Variants in DCTN2 observed in about 807,000 individuals in gnomAD.
The protein encoded by DCTN2 is dynactin subunit 2, also known as 50 kDa dynein-associated polypeptide.
DCTN2 carries 18 observed loss-of-function variants against 55.4 expected under a neutral mutation model. The observed-to-expected ratio is 0.32, with a 90% CI of 0.22 to 0.48. DCTN2 has a LOEUF of 0.48. Among genes scored for constraint, DCTN2 ranks in the 20% least tolerant of loss-of-function variants. DCTN2 has a pLI of 0.99. For synonymous variants in DCTN2, 168 were observed against 185.2 expected, an observed-to-expected ratio of 0.91 and a Z score of 0.76; for missense variants, 390 against 491.0, an observed-to-expected ratio of 0.79 and a Z score of 1.94.
At chr12:57,540,772 G>A (rs1880629883) in intron 2 of DCTN2, among the ~76,000 whole-genome samples, 1 of 152,218 alleles carries the variant, frequency 6.6e-6, no homozygotes, top group South Asian at 2.1e-4. Context: ...ATTTCAAAAG[G>A]AGGGGTGCAG....
intron 2 of DCTN2, among the ~76,000 whole-genome samples, chr12:57,542,526 T>G (rs1880778302): frequency 6.6e-6 from 1 of 151,942 alleles, no homozygotes; most frequent in Non-Finnish European, 1.5e-5. Context: ...TAGACAGAAA[T>G]CTGGAGACCC....
chr12:57,535,978 C>A, intron 2 of DCTN2, 133 bp from the exon 3 acceptor site: 1 of 693,508 alleles, frequency 1.4e-6, no homozygotes, highest in Non-Finnish European at 2.5e-6. Flanking sequence ...GGCTCTATTC[C>A]AAGGCGCCTA....
chr12:57,546,166 T>C, intron 1 of DCTN2, 70 bp from the exon 2 acceptor site: 1 of 1,435,994 alleles, frequency 7.0e-7, no homozygotes. Context: ...CCCCACTCCA[T>C]TTGAATAAGC....
intron 2 of DCTN2, among the ~76,000 whole-genome samples, chr12:57,540,589 T>C (rs752036722): frequency 1.3e-4 from 20 of 152,162 alleles, no homozygotes; most frequent in Admixed American, 2.0e-4. Flanking sequence ...GAGGGCAAGA[T>C]CTGAGGTTCT....
At chr12:57,546,998 C>G (rs1266676165) in intron 1 of DCTN2, 30 bp downstream of exon 1, 3 of 1,287,640 alleles carry the variant, frequency 2.3e-6, no homozygotes, top group Non-Finnish European at 3.0e-6. Flanking sequence ...GGGCGCGGTC[C>G]TGGGGAGCCG....
At chr12:57,546,813 C>T (rs1881204855) in intron 1 of DCTN2, among the ~76,000 whole-genome samples, 1 of 152,218 alleles carries the variant, frequency 6.6e-6, no homozygotes, top group African/African-American at 2.4e-5. Flanking sequence ...CTACCGGCGA[C>T]TGCCGGAAAG....
chr12:57,540,610 G>C (rs1245180571), intron 2 of DCTN2, among the ~76,000 whole-genome samples: 1 of 152,228 alleles, frequency 6.6e-6, no homozygotes, highest in Non-Finnish European at 1.5e-5. Context: ...AAATCAGACA[G>C]GGAAAGTGGC....
At position 57,546,077 on chromosome 12, in the gene DCTN2, A is replaced by G; in HGVS notation, c.56T>C (p.Val19Ala). The G allele has an allele frequency of 6.2e-7, 1 of 1,613,930 alleles. No homozygotes were observed. Among genetic ancestry groups the G allele is most frequent in the Non-Finnish European group, 8.5e-7 (1 of 1,179,870 alleles). ...LPGIARNEPDVYETSDLPEDD... is the reference protein window; with the variant it reads ...LPGIARNEPDAYETSDLPEDD... ...CTCAGGTAGGTCGCTAGTTTCATAA[A>G]CATCTGGCTCATTCCTGGCCTGCAG... is the stretch of plus-strand genomic sequence containing the variant. Residue 19 changes from valine to alanine, a missense_variant, in exon 2 of 14, where the codon GTT becomes GCT. Physicochemically the swap from Val to Ala is moderately conservative, Grantham distance 64 (BLOSUM62 0). Around this residue, in one of 2 missense-constraint regions of DCTN2, gnomAD observed 117 missense variants for 187.8 expected, o/e 0.62. Transcript: ENST00000548249.
At chr12:57,533,791 G>C (rs533009963) in intron 7 of DCTN2, among the ~76,000 whole-genome samples, 162 bp downstream of exon 7, 129 of 149,314 alleles carry the variant, frequency 8.6e-4, no homozygotes, top group Non-Finnish European at 1.5e-3. Context: ...AAAAAAGAAA[G>C]AAACATAGAG....
In DCTN2 at chr12:57,533,429, C is replaced by A; in HGVS notation, c.670-126G>T. ...GGGATTCCTTTCCCTGGAATACATA[C>A]CTAGCCACAATCTTAAAATCCTAAC... On this transcript the variant is annotated intron_variant, in intron 7 of 13. Coordinates refer to ENST00000548249, the MANE Select transcript of DCTN2 (RefSeq NM_001261413.2). 3.5e-6 allele frequency: 3 copies of A among 857,708 alleles called. No individual in the cohort carries two copies. The South Asian group carries it at 4.2e-5, about 12-fold the overall frequency. The allele number at this position is 857,708 out of a possible 1,614,324, so 53.1% of individuals were successfully genotyped here.
At chr12:57,540,664 C>T (rs911548423) in intron 2 of DCTN2, among the ~76,000 whole-genome samples, 2 of 152,196 alleles carry the variant, frequency 1.3e-5, no homozygotes, top group African/African-American at 4.8e-5. Context: ...GCCAACACTG[C>T]AGCCAGGGTA....
intron 2 of DCTN2, among the ~76,000 whole-genome samples, chr12:57,540,357 A>T (rs777598821): frequency 2.0e-5 from 3 of 152,244 alleles, no homozygotes; most frequent in Non-Finnish European, 4.4e-5. Context: ...TAGTTTGCAG[A>T]TAGTATATAC....
chr12:57,545,418 CAAT>C (rs1328045474), intron 2 of DCTN2, among the ~76,000 whole-genome samples: 1 of 152,160 alleles, frequency 6.6e-6, no homozygotes, highest in Non-Finnish European at 1.5e-5. Context: ...TGAACACACT[CAAT>C]AAACCATACT....
At chr12:57,533,351 G>A in intron 7 of DCTN2, 48 bp from the exon 8 acceptor site, 1 of 1,543,060 alleles carries the variant, frequency 6.5e-7, no homozygotes, top group Non-Finnish European at 9.0e-7. Flanking sequence ...CCCTGCTGCT[G>A]CAATGGGAGG....
rs565372920 is a variant in DCTN2 at position 57,538,470 on chromosome 12, C to T, written c.106-2625G>A. 10 of 756,848 alleles carry T rather than the reference C, an allele frequency of 1.3e-5. No individual in the cohort carries two copies. The African/African-American group carries it at 1.7e-4, about 13-fold the overall frequency. 46.9% of individuals were successfully genotyped at this position (756,848 alleles called of 1,614,324 possible). A position where few individuals can be genotyped will look rare whatever the true frequency, so the allele number is the denominator to read the frequency against. On this transcript the variant is annotated intron_variant, in intron 2 of 13. Transcript: ENST00000548249. ...TCTAAAGGACAGAGAAACAACTGCTCATCATAGCACACCCCGTTAAAAAGC... is the reference window on the plus strand; with the variant it reads ...TCTAAAGGACAGAGAAACAACTGCTTATCATAGCACACCCCGTTAAAAAGC...
chr12:57,541,958 A>G (rs1880731035), intron 2 of DCTN2, among the ~76,000 whole-genome samples: 1 of 152,184 alleles, frequency 6.6e-6, no homozygotes, highest in African/African-American at 2.4e-5. Flanking sequence ...TTCCTGCTAA[A>G]ATTGTTTTAA....
intron 5 of DCTN2, among the ~76,000 whole-genome samples, chr12:57,534,784 A>G (rs1248411749): frequency 6.6e-6 from 1 of 152,184 alleles, no homozygotes; most frequent in Non-Finnish European, 1.5e-5. Flanking sequence ...CTCCTGCCTT[A>G]GCCTCCCGAG....
intron 5 of DCTN2, 157 bp from the exon 6 acceptor site, chr12:57,534,609 G>T: frequency 1.3e-5 from 8 of 620,806 alleles, no homozygotes; most frequent in Non-Finnish European, 2.1e-5. Flanking sequence ...CATACAGATG[G>T]ATGCATATTT....
chr12:57,534,184 A>C, intron 6 of DCTN2, 87 bp from the exon 7 acceptor site: 1 of 1,528,764 alleles, frequency 6.5e-7, no homozygotes, highest in Non-Finnish European at 8.8e-7. Context: ...ATCAGCATTA[A>C]GAAACATCTA....
Sources: allele counts gnomAD v4.1 joint callset (sites outside exome capture counted in the v4.1 genomes callset), GRCh38; gene constraint gnomAD v4.1.1; regional missense constraint gnomAD v4.1.1; transcripts MANE v1.5; gene names NCBI Gene and HGNC (gene_info 2026-07-23, HGNC 2026-07-21).